The following WASL variants were observed in gnomAD, a reference collection of about 807,000 sequenced individuals.
WASL encodes the protein actin nucleation-promoting factor WASL.
A neutral mutation model predicts 55.5 loss-of-function variants in WASL; 20 were observed. The observed-to-expected ratio is 0.36, with a 90% CI of 0.25 to 0.52. WASL has a LOEUF of 0.52. Ranked by LOEUF, WASL falls within the 20% of genes least tolerant of loss-of-function variation. WASL has a pLI of 0.92. For missense variants in WASL, 504 were observed against 622.5 expected (o/e 0.81, Z 2.03); for synonymous variants, 249 against 217.6 (o/e 1.14, Z -1.27).
chr7:123,706,614 T>A (rs577630684), intron 3 of WASL, 126 bp downstream of exon 3: 68 of 839,594 alleles, frequency 8.1e-5, no homozygotes, highest in Non-Finnish European at 1.2e-4. Flanking sequence ...GAATATTTCA[T>A]CTTCAGCAAA....
chr7:123,739,274 A>C (rs1267566439), intron 1 of WASL, among the ~76,000 whole-genome samples: 3 of 152,156 alleles, frequency 2.0e-5, no homozygotes, highest in Non-Finnish European at 4.4e-5. Flanking sequence ...CTTACCATCC[A>C]CTATCTGCCC....
intron 10 of WASL, among the ~76,000 whole-genome samples, chr7:123,686,612 G>A (rs2116762597): frequency 6.6e-6 from 1 of 152,124 alleles, no homozygotes; most frequent in African/African-American, 2.4e-5. Flanking sequence ...ATATTTAGCA[G>A]AACTCACAGA....
intron 1 of WASL, 66 bp downstream of exon 1, chr7:123,748,552 C>T (rs1204534294): frequency 6.4e-7 from 1 of 1,563,446 alleles, no homozygotes; most frequent in African/African-American, 1.4e-5. Context: ...ACTCCCACTT[C>T]CCGGCCCCCA....
At chr7:123,721,128 T>C (rs767661974) in intron 1 of WASL, among the ~76,000 whole-genome samples, 1 of 152,232 alleles carries the variant, frequency 6.6e-6, no homozygotes, top group Non-Finnish European at 1.5e-5. Context: ...GTCTTTGATT[T>C]CTTTTACAAA....
rs906711229 is a variant in WASL at position 123,740,199 on chromosome 7, T to C, written c.117+8419A>G. On this transcript the variant is annotated intron_variant, in intron 1 of 10. Transcript: ENST00000223023. ...ATATATATCTCATACATATGTCAGA[T>C]ATATCTCATATATTATCTTTTATAT... is the stretch of plus-strand genomic sequence containing the variant. Among the ~76,000 whole-genome samples, 18 of 152,246 alleles carry C rather than the reference T, an allele frequency of 1.2e-4. No homozygotes were observed. The East Asian group carries it at 3.5e-3, about 29-fold the overall frequency.
In WASL at chr7:123,682,473, T is replaced by C. The variant is rs958826037; in HGVS notation, c.*2046A>G. The C allele has an allele frequency of 1.3e-4, 20 of 152,244 alleles. No homozygotes were observed. The highest frequency in any genetic ancestry group is 2.6e-4 in the Non-Finnish European group (18 of 68,016). The allele number at this position is 152,244 out of a possible 1,614,324, so 9.4% of individuals were successfully genotyped here. On this transcript the variant is annotated 3_prime_UTR_variant, in exon 11 of 11. Transcript: ENST00000223023. ...ATATATCCATTTTACATGTTTAAAA[T>C]TGTGCTTTGAACTCGAAGAATGGGT...
At position 123,748,506 on chromosome 7, in the gene WASL, G is replaced by C. The variant is rs1804481130; in HGVS notation, c.117+112C>G. On this transcript the variant is annotated intron_variant, in intron 1 of 10. Transcript: ENST00000223023. ...GCCGGGGCCGGGGCCGGGGCTGGCG[G>C]GAGGCCTGGCCCGCGCCGCTCCCGC... 57 of 1,120,028 alleles carry C rather than the reference G, an allele frequency of 5.1e-5. 1 individual carries two copies. The South Asian group carries it at 7.8e-4, about 15-fold the overall frequency. The allele number at this position is 1,120,028 out of a possible 1,614,324, so 69.4% of individuals were successfully genotyped here.
chr7:123,687,757 T>TTC (rs1474022473), intron 10 of WASL, among the ~76,000 whole-genome samples: 1 of 45,042 alleles, frequency 2.2e-5, no homozygotes, highest in Admixed American at 2.3e-4. Flanking sequence ...AGGCAGGGAC[T>TTC]TTTTTTTTGT....
At chr7:123,737,948 T>C (rs1271991941) in intron 1 of WASL, among the ~76,000 whole-genome samples, 1 of 152,150 alleles carries the variant, frequency 6.6e-6, no homozygotes, top group Non-Finnish European at 1.5e-5. Flanking sequence ...AGAATTATTA[T>C]CTTTAACATA....
chr7:123,727,823 C>A (rs1428580422), intron 1 of WASL, among the ~76,000 whole-genome samples: 1 of 151,800 alleles, frequency 6.6e-6, no homozygotes, highest in Non-Finnish European at 1.5e-5. Context: ...TAAATTATAC[C>A]GTAATTTCTT....
At chr7:123,726,723 G>C (rs950727169) in intron 1 of WASL, among the ~76,000 whole-genome samples, 4 of 152,096 alleles carry the variant, frequency 2.6e-5, no homozygotes, top group Non-Finnish European at 5.9e-5. Context: ...TAAATTAGCT[G>C]AGTGTGTTGG....
At chr7:123,740,061 T>G (rs1383232391) in intron 1 of WASL, among the ~76,000 whole-genome samples, 1 of 152,166 alleles carries the variant, frequency 6.6e-6, no homozygotes, top group South Asian at 2.1e-4. Context: ...GAGGGTGTTA[T>G]GTGCTTAGTA....
intron 1 of WASL, among the ~76,000 whole-genome samples, chr7:123,747,465 C>T (rs937424198): frequency 6.6e-6 from 1 of 152,166 alleles, no homozygotes; most frequent in African/African-American, 2.4e-5. Context: ...GGGTGGACTC[C>T]TATGAAGTTA....
intron 4 of WASL, among the ~76,000 whole-genome samples, chr7:123,705,380 T>C (rs1803653463): frequency 6.6e-6 from 1 of 152,178 alleles, no homozygotes; most frequent in Non-Finnish European, 1.5e-5. Context: ...ATACAGGACA[T>C]GGATCAAATA....
intron 1 of WASL, among the ~76,000 whole-genome samples, chr7:123,743,107 C>T (rs1482596548): frequency 6.6e-6 from 1 of 152,008 alleles, no homozygotes; most frequent in Non-Finnish European, 1.5e-5. Flanking sequence ...GAGGTTGAAG[C>T]GGACAGATCA....
chr7:123,746,784 C>T (rs1446761803), intron 1 of WASL, among the ~76,000 whole-genome samples: 2 of 152,208 alleles, frequency 1.3e-5, no homozygotes, highest in Non-Finnish European at 2.9e-5. Context: ...TGCCATTTTT[C>T]GAAACCAGTA....
chr7:123,738,514 T>C (rs1436661425), intron 1 of WASL, among the ~76,000 whole-genome samples: 1 of 152,244 alleles, frequency 6.6e-6, no homozygotes, highest in Non-Finnish European at 1.5e-5. Flanking sequence ...TAGCCATTTA[T>C]AGTATGAGGT....
At chr7:123,729,443 G>A (rs1234624642) in intron 1 of WASL, among the ~76,000 whole-genome samples, 1 of 152,076 alleles carries the variant, frequency 6.6e-6, no homozygotes, top group East Asian at 1.9e-4. Context: ...GTAAGACACA[G>A]TATTTTTTAA....
intron 1 of WASL, among the ~76,000 whole-genome samples, chr7:123,721,586 A>C (rs1249097375): frequency 6.6e-6 from 1 of 152,106 alleles, no homozygotes; most frequent in Non-Finnish European, 1.5e-5. Flanking sequence ...GAATCCAAGA[A>C]CCTTTCTCAA....
Sources: gnomAD v4.1 joint callset for allele counts (sites outside exome capture counted in the v4.1 genomes callset) on GRCh38, gnomAD v4.1.1 for gene constraint, MANE v1.5 for transcripts, NCBI Gene and HGNC (gene_info 2026-07-23, HGNC 2026-07-21) for gene names.